The following RAD51B variants were observed in gnomAD, a reference collection of about 807,000 sequenced individuals.
RAD51B encodes the protein DNA repair protein RAD51 homolog 2.
In RAD51B, 38 loss-of-function variants were observed where a neutral mutation model predicts 42.2. The ratio of observed to expected loss-of-function variants is 0.90; its 90% CI spans 0.70 to 1.18. RAD51B has a LOEUF of 1.18. RAD51B is among the 50% of genes most tolerant of loss of function. RAD51B has a pLI of 0.00. For synonymous variants in RAD51B, 154 were observed against 145.2 expected, an observed-to-expected ratio of 1.06 and a Z score of -0.43; for missense variants, 373 against 400.7, an observed-to-expected ratio of 0.93 and a Z score of 0.59.
chr14:68,476,579 G>T (rs1285634732), intron 10 of RAD51B, among the ~76,000 whole-genome samples: 1 of 152,174 alleles, frequency 6.6e-6, no homozygotes, highest in Non-Finnish European at 1.5e-5. Flanking sequence ...ACCCATGAGG[G>T]CTTTACAAAC....
At chr14:68,168,600 G>C (rs1720607489) in intron 7 of RAD51B, among the ~76,000 whole-genome samples, 2 of 152,066 alleles carry the variant, frequency 1.3e-5, no homozygotes, top group Non-Finnish European at 2.9e-5. Flanking sequence ...AGGGACCAAA[G>C]CTGTTTTGGC....
intron 7 of RAD51B, among the ~76,000 whole-genome samples, chr14:68,182,001 T>C (rs2079069364): frequency 6.6e-6 from 1 of 152,224 alleles, no homozygotes; most frequent in Admixed American, 6.5e-5. Context: ...GTATGCATTA[T>C]ATAGATTATG....
rs139348635 is a variant in RAD51B at position 67,946,965 on chromosome 14, C to G, written c.756+59761C>G. Among the ~76,000 whole-genome samples the G allele has an allele frequency of 8.1e-3, 1,226 of 152,144 alleles. 14 individuals are homozygous for G. The highest frequency in any genetic ancestry group is 0.028 in the African/African-American group (1,149 of 41,500). The stretch of plus-strand genomic sequence containing the variant: ...ATTTCTTAATTTGATATATTTAAGT[C>G]CCTTATTTTGATCTAATATATTTGA... On this transcript the variant is annotated intron_variant, in intron 7 of 10. Coordinates refer to ENST00000471583, the MANE Select transcript of RAD51B (RefSeq NM_133510.4).
At chr14:67,860,320 A>G (rs914155829) in intron 4 of RAD51B, among the ~76,000 whole-genome samples, 7 of 152,200 alleles carry the variant, frequency 4.6e-5, no homozygotes, top group African/African-American at 1.7e-4. Context: ...AACTAATTTC[A>G]TTTTGTGCCA....
chr14:68,589,875 T>C (rs2140075115), intron 10 of RAD51B, among the ~76,000 whole-genome samples: 1 of 152,332 alleles, frequency 6.6e-6, no homozygotes, highest in African/African-American at 2.4e-5. Flanking sequence ...TTTTTGGCTT[T>C]TTCATTAGCT....
At chr14:68,662,893 A>C (rs1177114250) in intron 11 of RAD51B, among the ~76,000 whole-genome samples, 2 of 151,952 alleles carry the variant, frequency 1.3e-5, no homozygotes, top group Admixed American at 1.3e-4. Flanking sequence ...CAGCCACCCC[A>C]TCCTCCTCCC....
chr14:68,274,470 A>G (rs1566777279), intron 7 of RAD51B, among the ~76,000 whole-genome samples: 1 of 152,180 alleles, frequency 6.6e-6, no homozygotes, highest in Non-Finnish European at 1.5e-5. Flanking sequence ...AAAATTAACA[A>G]TTCATTAATA....
chr14:68,561,106 C>T (rs568511109), intron 10 of RAD51B, among the ~76,000 whole-genome samples: 15 of 152,326 alleles, frequency 9.8e-5, no homozygotes, highest in African/African-American at 3.4e-4. Context: ...ACACCTTCCT[C>T]TGCCACTCCT....
chr14:67,868,916 C>G (rs1327769526), intron 5 of RAD51B, among the ~76,000 whole-genome samples: 4 of 152,214 alleles, frequency 2.6e-5, no homozygotes, highest in African/African-American at 9.6e-5. Context: ...AAAGGACATC[C>G]ACACCAAAAA....
intron 7 of RAD51B, among the ~76,000 whole-genome samples, chr14:68,228,463 A>G (rs1186797227): frequency 6.6e-6 from 1 of 152,174 alleles, no homozygotes; most frequent in African/African-American, 2.4e-5. Context: ...TATACAACCT[A>G]TTTCATTGTC....
chr14:68,318,779 C>A (rs1247282639), intron 8 of RAD51B, among the ~76,000 whole-genome samples: 2 of 152,166 alleles, frequency 1.3e-5, no homozygotes, highest in Non-Finnish European at 2.9e-5. Flanking sequence ...TGGCATTGAA[C>A]CCGCCAAAGA....
intron 7 of RAD51B, among the ~76,000 whole-genome samples, chr14:68,243,913 G>A (rs151060828): frequency 0.015 from 2,276 of 152,170 alleles, 36 homozygotes; most frequent in Non-Finnish European, 0.017. Context: ...ATTTTCTGTT[G>A]ACTTTATATT....
chr14:68,069,231 C>T (rs140242707), intron 7 of RAD51B, among the ~76,000 whole-genome samples: 1 of 152,026 alleles, frequency 6.6e-6, no homozygotes, highest in Non-Finnish European at 1.5e-5. Flanking sequence ...GAATAAAGGC[C>T]TCTGTATATT....
At chr14:68,153,807 G>T (rs1486431209) in intron 7 of RAD51B, among the ~76,000 whole-genome samples, 2 of 152,052 alleles carry the variant, frequency 1.3e-5, no homozygotes, top group Admixed American at 1.3e-4. Flanking sequence ...CCCTAATTGG[G>T]CAAATAGACT....
chr14:68,077,761 A>T (rs2076855795), intron 7 of RAD51B, among the ~76,000 whole-genome samples: 1 of 152,150 alleles, frequency 6.6e-6, no homozygotes, highest in Admixed American at 6.5e-5. Context: ...TTTGAGACCA[A>T]CCTGACCAAC....
intron 7 of RAD51B, among the ~76,000 whole-genome samples, chr14:68,127,132 A>G (rs2077777383): frequency 6.6e-6 from 1 of 152,082 alleles, no homozygotes; most frequent in Non-Finnish European, 1.5e-5. Context: ...GCCTCAAATT[A>G]TATTTTTTCA....
intron 5 of RAD51B, among the ~76,000 whole-genome samples, chr14:67,877,865 A>G (rs1454714012): frequency 1.3e-5 from 2 of 152,128 alleles, no homozygotes; most frequent in Non-Finnish European, 2.9e-5. Flanking sequence ...GGGTCTCACC[A>G]TCTTGCCCAA....
chr14:68,645,444 T>C (rs1307872494), intron 10 of RAD51B, among the ~76,000 whole-genome samples: 1 of 152,248 alleles, frequency 6.6e-6, no homozygotes, highest in Non-Finnish European at 1.5e-5. Context: ...TTATGAATAA[T>C]GTTGCTATGA....
chr14:68,001,227 T>G (rs984071590), intron 7 of RAD51B, among the ~76,000 whole-genome samples: 2 of 152,164 alleles, frequency 1.3e-5, no homozygotes, highest in Non-Finnish European at 2.9e-5. Context: ...TCGTATATTT[T>G]CTATGGAATC....
Sources: allele counts gnomAD v4.1 joint callset (sites outside exome capture counted in the v4.1 genomes callset), GRCh38; gene constraint gnomAD v4.1.1; transcripts MANE v1.5; gene names NCBI Gene and HGNC (gene_info 2026-07-23, HGNC 2026-07-21).